Variants in CNNM1 observed in about 807,000 individuals in gnomAD.
CNNM1 encodes the protein metal transporter CNNM1.
Under a neutral mutation model 78.8 loss-of-function variants are expected in CNNM1, and 44 were observed. The ratio of observed to expected loss-of-function variants is 0.56; its 90% CI spans 0.44 to 0.72. The LOEUF (loss-of-function observed/expected upper bound fraction) is 0.72, where lower values mean the gene tolerates loss of function less well. Among genes scored for constraint, CNNM1 ranks in the 30% least tolerant of loss-of-function variants. The probability of loss-of-function intolerance (pLI) is 0.00; values close to 1 mark genes in which losing one functional copy is unlikely to be tolerated. For synonymous variants in CNNM1, 584 were observed against 581.5 expected (o/e 1.00, Z -0.06); for missense variants, 1,101 against 1,292.2 (o/e 0.85, Z 2.27).
At position 99,329,721 on chromosome 10, in the gene CNNM1, C is replaced by T. The variant is rs1459003956; in HGVS notation, c.334C>T (p.Pro112Ser). 1.3e-6 allele frequency: 2 copies of T among 1,524,412 alleles called. No individual in the cohort carries two copies. Among genetic ancestry groups the T allele is most frequent in the Admixed American group, 2.0e-5 (1 of 50,744 alleles). 94.4% of individuals were successfully genotyped at this position (1,524,412 alleles called of 1,614,324 possible). A position where few individuals can be genotyped will look rare whatever the true frequency, so the allele number is the denominator to read the frequency against. Residue 112 changes from proline (P) to serine (S), a missense_variant, in exon 1 of 11, where the codon CCC (proline) becomes TCC (serine). Transcript: ENST00000356713. ...WAPRLVFIEE[P>S]PGGGGVAPSA... ...TCCGCGGCTCGTGTTCATCGAGGAG[C>T]CCCCGGGCGGTGGCGGCGTGGCCCC...
rs554485196 is a variant in CNNM1 at position 99,385,002 on chromosome 10, G to A, written c.2341-2818G>A. On this transcript the variant is annotated intron_variant, in intron 7 of 10. Coordinates refer to ENST00000356713, the MANE Select transcript of CNNM1 (RefSeq NM_020348.3). ...GAATTGCTTGAATCTGGGAGGCAAA[G>A]GTTGCACCACTGCACTCCAGCCTGG... Among the ~76,000 whole-genome samples, 12 of 151,584 alleles carry A rather than the reference G, an allele frequency of 7.9e-5. No individual in the cohort carries two copies. In the South Asian group the frequency reaches 2.5e-3, roughly 32 times the overall value.
chr10:99,345,168 C>A (rs1044393197), intron 1 of CNNM1, among the ~76,000 whole-genome samples: 15 of 152,116 alleles, frequency 9.9e-5, no homozygotes, highest in Non-Finnish European at 1.9e-4. Flanking sequence ...TAATAACAAC[C>A]CCCCTTTTGC....
At chr10:99,386,295 T>C (rs2032302439) in intron 7 of CNNM1, among the ~76,000 whole-genome samples, 1 of 152,190 alleles carries the variant, frequency 6.6e-6, no homozygotes, top group African/African-American at 2.4e-5. Flanking sequence ...ATCTCCAGAC[T>C]AGCAGCACCA....
chr10:99,351,732 G>C (rs1044902914), intron 1 of CNNM1, among the ~76,000 whole-genome samples: 1 of 152,070 alleles, frequency 6.6e-6, no homozygotes, highest in African/African-American at 2.4e-5. Flanking sequence ...GGCCTCACCT[G>C]TGGCAGACCG....
chr10:99,354,203 G>A (rs573092247), intron 1 of CNNM1, among the ~76,000 whole-genome samples: 3 of 152,254 alleles, frequency 2.0e-5, no homozygotes, highest in African/African-American at 7.2e-5. Context: ...TAAGAAAAAT[G>A]TGTTAGAAAC....
intron 6 of CNNM1, among the ~76,000 whole-genome samples, chr10:99,372,972 A>C (rs76982491): frequency 6.6e-6 from 1 of 152,086 alleles, no homozygotes; most frequent in Non-Finnish European, 1.5e-5. Flanking sequence ...AAAAAAAAAG[A>C]CATGTTTTTC....
chr10:99,388,532 G>A (rs2032376774), intron 9 of CNNM1, among the ~76,000 whole-genome samples: 1 of 152,204 alleles, frequency 6.6e-6, no homozygotes, highest in Non-Finnish European at 1.5e-5. Context: ...ATTAGGAGTT[G>A]GGTTTCTGCC....
chr10:99,387,657 T>G (rs1163564195), intron 7 of CNNM1, among the ~76,000 whole-genome samples, 163 bp from the exon 8 acceptor site: 1 of 152,200 alleles, frequency 6.6e-6, no homozygotes, highest in Non-Finnish European at 1.5e-5. Flanking sequence ...CTGTCCCTGC[T>G]GGACTGCTAC....
At chr10:99,377,810 A>T (rs896961799) in intron 7 of CNNM1, among the ~76,000 whole-genome samples, 2 of 152,164 alleles carry the variant, frequency 1.3e-5, no homozygotes, top group African/African-American at 4.8e-5. Flanking sequence ...TTTGAAGAGA[A>T]CCATGTGCAA....
intron 7 of CNNM1, among the ~76,000 whole-genome samples, chr10:99,379,623 A>C (rs965443546): frequency 6.9e-6 from 1 of 145,744 alleles, no homozygotes; most frequent in African/African-American, 2.5e-5. Flanking sequence ...TTTGGATTCT[A>C]CTTTAAGTGT....
chr10:99,363,417 C>T (rs1447283247), intron 4 of CNNM1, among the ~76,000 whole-genome samples: 3 of 152,256 alleles, frequency 2.0e-5, no homozygotes, highest in East Asian at 3.9e-4. Context: ...ATAAACTTAA[C>T]GGTTTTCAAA....
intron 6 of CNNM1, among the ~76,000 whole-genome samples, chr10:99,366,136 A>G (rs1175876208): frequency 6.6e-6 from 1 of 152,222 alleles, no homozygotes; most frequent in Non-Finnish European, 1.5e-5. Flanking sequence ...CAGTGTGAAG[A>G]GTGGCAGAAC....
chr10:99,388,272 T>C lies in CNNM1; in HGVS notation c.2645T>C (p.Leu882Pro), dbSNP rs1476392906. 10 of 1,613,664 alleles carry C rather than the reference T, an allele frequency of 6.2e-6. No individual in the cohort carries two copies. Among genetic ancestry groups the C allele is most frequent in the African/African-American group, 4.0e-5 (3 of 74,944 alleles). ...FEEHSTQQLT[L>P]SPAAVPTRAA... ...GAGCACAGCACACAGCAGCTCACGC[T>C]GTCTCCTGCAGCCGTTCCCACGAGA... is the stretch of plus-strand genomic sequence containing the variant. Residue 882 changes from leucine to proline, a missense_variant, in exon 9 of 11, where the codon CTG becomes CCG. Physicochemically the swap from Leu to Pro is moderately conservative, Grantham distance 98 (BLOSUM62 -3). Around this residue, in one of 3 missense-constraint regions of CNNM1, gnomAD observed 348 missense variants for 384.5 expected, o/e 0.90. Coordinates refer to ENST00000356713, the MANE Select transcript of CNNM1 (RefSeq NM_020348.3).
intron 7 of CNNM1, among the ~76,000 whole-genome samples, chr10:99,384,662 C>T (rs1350386313): frequency 1.3e-5 from 2 of 152,114 alleles, no homozygotes; most frequent in Non-Finnish European, 2.9e-5. Flanking sequence ...AGTATTGTTA[C>T]CAAAAATACT....
chr10:99,361,115 C>T (rs1589904041), intron 3 of CNNM1, 140 bp downstream of exon 3: 2 of 932,190 alleles, frequency 2.1e-6, no homozygotes, highest in East Asian at 5.6e-5. Context: ...AGGAGGTTGC[C>T]TTAGACAGGG....
intron 1 of CNNM1, among the ~76,000 whole-genome samples, chr10:99,336,081 A>G (rs1282309199): frequency 1.3e-5 from 2 of 152,220 alleles, no homozygotes; most frequent in African/African-American, 4.8e-5. Context: ...CTGGCCAAAT[A>G]ATTGGATGCC....
rs537843353 is a variant in CNNM1, at chr10:99,331,669, C to T, written c.1573+709C>T. Among the ~76,000 whole-genome samples the T allele has an allele frequency of 7.2e-5, 11 of 152,250 alleles. No homozygotes were observed. The South Asian group carries it at 2.3e-3, about 32-fold the overall frequency. On this transcript the variant is annotated intron_variant, in intron 1 of 10. Coordinates refer to ENST00000356713, the MANE Select transcript of CNNM1 (RefSeq NM_020348.3). ...ATTACTCGAGCCCAGGAGTTCAAAG[C>T]TGCAATGAGCTGTAATCCCACCACT...
Position 99,330,618 on chromosome 10 carries a change from G to C in CNNM1, c.1231G>C (p.Val411Leu), listed in dbSNP as rs1458015035. Residue 411 changes from valine to leucine, a missense_variant, in exon 1 of 11, where the codon GTG (valine) becomes CTG (leucine). Physicochemically the swap from Val to Leu is conservative, Grantham distance 32. Around this residue, in one of 3 missense-constraint regions of CNNM1, gnomAD observed 277 missense variants for 423.2 expected, o/e 0.65. Transcript: ENST00000356713. ...LRAADPYSDL[V>L]KEELNIIQGA... ...GGCCGCAGACCCCTACAGTGACCTG[G>C]TGAAGGAGGAGCTCAACATCATACA... 6.2e-7 allele frequency: 1 copy of C among 1,613,828 alleles called. No individual in the cohort carries two copies. Among genetic ancestry groups the C allele is most frequent in the Non-Finnish European group, 8.5e-7 (1 of 1,179,836 alleles).
chr10:99,386,048 G>A (rs979348937), intron 7 of CNNM1, among the ~76,000 whole-genome samples: 1 of 152,188 alleles, frequency 6.6e-6, no homozygotes, highest in Non-Finnish European at 1.5e-5. Flanking sequence ...CAAAAGTCAG[G>A]TGTTTTCAAC....
Sources: allele counts gnomAD v4.1 joint callset (sites outside exome capture counted in the v4.1 genomes callset), GRCh38; gene constraint gnomAD v4.1.1; regional missense constraint gnomAD v4.1.1; transcripts MANE v1.5; gene names NCBI Gene and HGNC (gene_info 2026-07-23, HGNC 2026-07-21).